The following NRXN3 variants were observed in gnomAD, a reference collection of about 807,000 sequenced individuals.
NRXN3 encodes neurexin 3, also known as neurexin III.
In NRXN3, 32 loss-of-function variants were observed where a neutral mutation model predicts 137.6. That is an observed-to-expected ratio of 0.23 (90% CI 0.18 to 0.31). The LOEUF (loss-of-function observed/expected upper bound fraction) is 0.31, where lower values mean the gene tolerates loss of function less well. Ranked by LOEUF, NRXN3 falls within the 10% of genes least tolerant of loss-of-function variation. The probability of loss-of-function intolerance (pLI) is 1.00; values close to 1 mark genes in which losing one functional copy is unlikely to be tolerated. For synonymous variants in NRXN3, 798 were observed against 784.5 expected (o/e 1.02, Z -0.29); for missense variants, 1,574 against 2,062.5 (o/e 0.76, Z 4.59).
intron 11 of NRXN3, among the ~76,000 whole-genome samples, chr14:78,957,666 A>G (rs890939658): frequency 2.0e-5 from 3 of 152,118 alleles, no homozygotes; most frequent in African/African-American, 7.2e-5. Flanking sequence ...TTATTATTCA[A>G]TCATTCAAAA....
intron 16 of NRXN3, among the ~76,000 whole-genome samples, chr14:79,601,454 G>A (rs1257384507): frequency 6.6e-6 from 1 of 152,056 alleles, no homozygotes; most frequent in Non-Finnish European, 1.5e-5. Context: ...TATCCTTCAT[G>A]CTCCTTGTCA....
At chr14:79,332,724 AG>A (rs1349699590) in intron 15 of NRXN3, among the ~76,000 whole-genome samples, 3 of 151,008 alleles carry the variant, frequency 2.0e-5, no homozygotes, top group African/African-American at 7.3e-5. Flanking sequence ...ATCCCTCAAT[AG>A]ACTGTGAGGT....
intron 8 of NRXN3, among the ~76,000 whole-genome samples, chr14:78,736,865 A>G (rs1232022859): frequency 2.0e-5 from 3 of 152,232 alleles, no homozygotes; most frequent in Admixed American, 2.0e-4. Flanking sequence ...GAGCAAGGGG[A>G]TGGAGAAGAG....
intron 4 of NRXN3, among the ~76,000 whole-genome samples, chr14:78,367,457 T>C (rs1291886691): frequency 6.6e-6 from 1 of 152,236 alleles, no homozygotes; most frequent in Non-Finnish European, 1.5e-5. Context: ...GGTCTGATAG[T>C]GACCTTATTC....
At chr14:79,761,387 T>C (rs910683357) in intron 19 of NRXN3, among the ~76,000 whole-genome samples, 1 of 151,648 alleles carries the variant, frequency 6.6e-6, no homozygotes, top group African/African-American at 2.4e-5. Context: ...CTGCATTCTA[T>C]TTTTTTCCAA....
intron 15 of NRXN3, among the ~76,000 whole-genome samples, chr14:79,414,739 C>T (rs767032526): frequency 1.3e-5 from 2 of 152,038 alleles, no homozygotes; most frequent in Non-Finnish European, 2.9e-5. Context: ...CAGGTTCACT[C>T]TTAGCACATT....
At chr14:79,692,119 A>G in intron 17 of NRXN3, 54 bp from the exon 18 acceptor site, 1 of 1,360,204 alleles carries the variant, frequency 7.4e-7, no homozygotes, top group Non-Finnish European at 1.0e-6. Flanking sequence ...GATGTTTTTT[A>G]ATGACTTATT....
At chr14:79,350,468 T>C (rs2093150733) in intron 15 of NRXN3, among the ~76,000 whole-genome samples, 1 of 152,184 alleles carries the variant, frequency 6.6e-6, no homozygotes, top group African/African-American at 2.4e-5. Context: ...CTGGACTAGC[T>C]TACACTTGGA....
chr14:78,350,023 C>T (rs1430393776), intron 4 of NRXN3, among the ~76,000 whole-genome samples: 1 of 152,000 alleles, frequency 6.6e-6, no homozygotes, highest in Non-Finnish European at 1.5e-5. Flanking sequence ...CATGGTGGCT[C>T]ACGCCTGTAA....
intron 15 of NRXN3, among the ~76,000 whole-genome samples, chr14:79,106,129 C>T (rs1370090447): frequency 1.3e-5 from 2 of 152,032 alleles, no homozygotes; most frequent in African/African-American, 4.8e-5. Context: ...CTCTTTTCTT[C>T]CCCTTCAGTA....
chr14:79,253,876 C>T (rs770325677), intron 15 of NRXN3, among the ~76,000 whole-genome samples: 2 of 152,166 alleles, frequency 1.3e-5, no homozygotes, highest in South Asian at 2.1e-4. Context: ...CAGAGCCAAA[C>T]GATATCATCA....
At chr14:78,713,967 C>T (rs979694033) in intron 7 of NRXN3, among the ~76,000 whole-genome samples, 3 of 152,192 alleles carry the variant, frequency 2.0e-5, no homozygotes, top group African/African-American at 7.2e-5. Context: ...TTTTGTCCCT[C>T]TGTTCTGGAA....
At chr14:78,886,069 G>C (rs2099142757) in intron 10 of NRXN3, among the ~76,000 whole-genome samples, 1 of 152,080 alleles carries the variant, frequency 6.6e-6, no homozygotes, top group South Asian at 2.1e-4. Context: ...TATTTCATTG[G>C]TCAGAAGTTA....
intron 10 of NRXN3, among the ~76,000 whole-genome samples, chr14:78,914,723 G>A (rs2099250254): frequency 2.0e-5 from 3 of 152,144 alleles, no homozygotes; most frequent in African/African-American, 7.2e-5. Context: ...GAATTGTCCT[G>A]TAGGCCATTT....
At chr14:78,409,005 A>G (rs1445363944) in intron 4 of NRXN3, among the ~76,000 whole-genome samples, 1 of 152,240 alleles carries the variant, frequency 6.6e-6, no homozygotes, top group Non-Finnish European at 1.5e-5. Context: ...ATTCTGTTAG[A>G]AATTCAATTT....
chr14:79,142,503 A>T (rs1165764531), intron 15 of NRXN3, among the ~76,000 whole-genome samples: 1 of 152,164 alleles, frequency 6.6e-6, no homozygotes. Flanking sequence ...ATTTGAGCAA[A>T]GATATGAATA....
At chr14:78,644,992 G>A in intron 4 of NRXN3, 128 bp from the exon 5 acceptor site, 1 of 739,082 alleles carries the variant, frequency 1.4e-6, no homozygotes. Flanking sequence ...AAGAATTGAA[G>A]GGAGTGCTGT....
intron 1 of NRXN3, among the ~76,000 whole-genome samples, chr14:78,175,394 C>T (rs577428603): frequency 3.3e-5 from 5 of 152,262 alleles, no homozygotes; most frequent in South Asian, 2.1e-4. Flanking sequence ...ATCCCCCGGC[C>T]GTGTTCTCCT....
chr14:79,223,232 G>A (rs1242476961), intron 15 of NRXN3, among the ~76,000 whole-genome samples: 1 of 151,430 alleles, frequency 6.6e-6, no homozygotes, highest in African/African-American at 2.4e-5. Flanking sequence ...CTAAAGAGAA[G>A]GACAGGCAGA....
Sources: gnomAD v4.1 joint callset for allele counts (sites outside exome capture counted in the v4.1 genomes callset) on GRCh38, gnomAD v4.1.1 for gene constraint, MANE v1.5 for transcripts, NCBI Gene and HGNC (gene_info 2026-07-23, HGNC 2026-07-21) for gene names.